Variants in HARS1 observed in about 807,000 individuals in gnomAD.
The protein encoded by HARS1 is histidine--tRNA ligase, cytoplasmic.
In HARS1, 45 loss-of-function variants were observed where a neutral mutation model predicts 63.6. That is an observed-to-expected ratio of 0.71 (90% confidence interval 0.56 to 0.91). The LOEUF (loss-of-function observed/expected upper bound fraction) is 0.91, where lower values mean the gene tolerates loss of function less well. Among genes scored for constraint, HARS1 ranks in the 40% least tolerant of loss-of-function variants. HARS1 has a pLI of 0.00. For synonymous variants in HARS1, 205 were observed against 247.1 expected, an observed-to-expected ratio of 0.83 and a Z score of 1.60; for missense variants, 508 against 643.2, an observed-to-expected ratio of 0.79 and a Z score of 2.27.
chr5:140,686,750 G>A (rs1007127818), intron 2 of HARS1, among the ~76,000 whole-genome samples: 3 of 151,178 alleles, frequency 2.0e-5, no homozygotes, highest in Non-Finnish European at 2.9e-5. Context: ...ACAAGCATGC[G>A]CCACCACGCC....
At position 140,676,926 on chromosome 5, in the gene HARS1, G is replaced by C; in HGVS notation, c.952-30C>G. ...GGAGATAAGAAAATGGTCAGTGCCA[G>C]ATTAAGATCAGGGACCTGAAGCCCC... On this transcript the variant is annotated intron_variant, in intron 9 of 12. Transcript: ENST00000504156. The surrounding 1 kb of genome is among the most constrained non-coding windows in gnomAD (Gnocchi z 4.1). 6.2e-7 allele frequency: 1 copy of C among 1,613,596 alleles called. No homozygotes were observed.
chr5:140,676,536 T>C lies in HARS1; in HGVS notation c.1194+118A>G. 1 of 1,039,148 alleles carries C rather than the reference T, an allele frequency of 9.6e-7. No homozygotes were observed. The highest frequency in any genetic ancestry group is 1.4e-6 in the Non-Finnish European group (1 of 699,016). 64.4% of individuals were successfully genotyped at this position (1,039,148 alleles called of 1,614,324 possible). ...TCTGTGAAAAAGAGCAATAATCTTT[T>C]CTCCATTTCTGTGAGATGCTCCCTG... On this transcript the variant is annotated intron_variant, in intron 10 of 12. Coordinates refer to ENST00000504156, the MANE Select transcript of HARS1 (RefSeq NM_002109.6). The surrounding 1 kb of genome is among the most constrained non-coding windows in gnomAD (Gnocchi z 4.1).
rs529031493 is a variant in HARS1, at chr5:140,685,858, T to G, written c.181-2639A>C. Among the ~76,000 whole-genome samples, 5 of 152,316 alleles carry G rather than the reference T, an allele frequency of 3.3e-5. No homozygotes were observed. The East Asian group carries it at 9.6e-4, about 29-fold the overall frequency. ...ATGATTTCATAACAGGTCTTTCAAATGTTGATACATTTCATTATACAATAT... is the reference window on the plus strand; with the variant it reads ...ATGATTTCATAACAGGTCTTTCAAAGGTTGATACATTTCATTATACAATAT... On this transcript the variant is annotated intron_variant, in intron 2 of 12. Transcript: ENST00000504156.
chr5:140,690,396 G>T (rs1039497149), intron 2 of HARS1, among the ~76,000 whole-genome samples: 1 of 151,996 alleles, frequency 6.6e-6, no homozygotes, highest in Admixed American at 6.5e-5. Flanking sequence ...CGGCTGCAGT[G>T]AGCCAAGATG....
intron 10 of HARS1, chr5:140,675,403 A>T: frequency 2.3e-5 from 7 of 306,020 alleles, no homozygotes; most frequent in Admixed American, 4.7e-5. Flanking sequence ...ATCTCCATGT[A>T]GTACCTTTTT....
rs1476274255 is a variant in HARS1 at position 140,691,295 on chromosome 5, G to A, written c.10C>T (p.Arg4Cys). MAE[R>C]AALEELVKLQ... Reference sequence around the variant, plus strand: ...TTCACCAGCTCCTCCAGCGCCGCACGCTCTGCCATCCCGGCTGTCCACTTG... The same window carrying A: ...TTCACCAGCTCCTCCAGCGCCGCACACTCTGCCATCCCGGCTGTCCACTTG... The change falls in exon 1 of 13, where the codon CGT becomes TGT. Residue 4 changes from arginine (R) to cysteine (C), a missense_variant. Physicochemically the swap from Arg to Cys is radical, Grantham distance 180. Coordinates refer to ENST00000504156, the MANE Select transcript of HARS1 (RefSeq NM_002109.6). The A allele has an allele frequency of 6.2e-7, 1 of 1,605,578 alleles. No individual in the cohort carries two copies. The highest frequency in any genetic ancestry group is 1.1e-5 in the South Asian group (1 of 90,842).
Position 140,679,079 on chromosome 5 carries a change from G to A in HARS1, c.445C>T (p.Arg149Cys), listed in dbSNP as rs138035024. The A allele has an allele frequency of 3.0e-5, 48 of 1,613,790 alleles. No individual in the cohort carries two copies. Among genetic ancestry groups the A allele is most frequent in the Non-Finnish European group, 3.3e-5 (39 of 1,179,794 alleles). The change falls in exon 5 of 13, where the codon CGC becomes TGC. Residue 149 changes from arginine (R) to cysteine (C), a missense_variant. Physicochemically the swap from Arg to Cys is radical, Grantham distance 180. Transcript: ENST00000504156. The surrounding 1 kb of genome is among the most constrained non-coding windows in gnomAD (Gnocchi z 4.3). ...LAMNKLTNIKRYHIAKVYRRD... is the reference protein window; with the variant it reads ...LAMNKLTNIKCYHIAKVYRRD... ...CGATATACCTTTGCTATGTGGTAGC[G>A]TTTAATGTTGGTCAGTTTATTCATT...
chr5:140,679,260 C>T lies in HARS1; in HGVS notation c.397-133G>A, dbSNP rs1312330538. On this transcript the variant is annotated intron_variant, in intron 4 of 12. Transcript: ENST00000504156. The surrounding 1 kb of genome is among the most constrained non-coding windows in gnomAD (Gnocchi z 4.3). ...CCACCCATAAGATTAATAGCACTTACAAACATCAGAAAGCATCAGCTGTGC... is the reference window on the plus strand; with the variant it reads ...CCACCCATAAGATTAATAGCACTTATAAACATCAGAAAGCATCAGCTGTGC... The T allele has an allele frequency of 2.6e-6, 2 of 764,306 alleles. No individual in the cohort carries two copies. Among genetic ancestry groups the T allele is most frequent in the South Asian group, 1.7e-5 (1 of 59,364 alleles). The allele number at this position is 764,306 out of a possible 1,614,324, so 47.3% of individuals were successfully genotyped here.
In HARS1 at chr5:140,679,759, G is replaced by C; in HGVS notation, c.396+29C>G. On this transcript the variant is annotated intron_variant, in intron 4 of 12. Transcript: ENST00000504156. This position sits in a 1 kb window ranked among gnomAD's most constrained non-coding sequence, Gnocchi z 4.3. ...CCAAGTGAGTGCCAATCCATCCAAA[G>C]TCTCAAGAGCCCAAGTTTAGAAAGA... is the stretch of plus-strand genomic sequence containing the variant. 8.1e-7 allele frequency: 1 copy of C among 1,234,714 alleles called. No homozygotes were observed. The highest frequency in any genetic ancestry group is 2.3e-5 in the East Asian group (1 of 42,582). The allele number at this position is 1,234,714 out of a possible 1,614,324, so 76.5% of individuals were successfully genotyped here.
chr5:140,685,819 T>A (rs761590501), intron 2 of HARS1, among the ~76,000 whole-genome samples: 10 of 152,210 alleles, frequency 6.6e-5, no homozygotes, highest in Non-Finnish European at 8.8e-5. Flanking sequence ...AATGAATGGA[T>A]CCTTTGCCTG....
intron 2 of HARS1, 186 bp from the exon 3 acceptor site, chr5:140,683,405 G>C (rs1404857130): frequency 4.7e-6 from 4 of 845,040 alleles, no homozygotes; most frequent in Non-Finnish European, 6.8e-6. Flanking sequence ...ACACCCATTT[G>C]CTATCTGCCT....
intron 3 of HARS1, 164 bp downstream of exon 3, chr5:140,682,936 C>G (rs1005287206): frequency 8.5e-6 from 5 of 590,248 alleles, no homozygotes; most frequent in Non-Finnish European, 1.5e-5. Context: ...AAGACAGGGC[C>G]TCTCCCTCCA....
intron 5 of HARS1, chr5:140,678,299 C>T (rs759752976): frequency 2.1e-4 from 92 of 439,998 alleles, no homozygotes; most frequent in Middle Eastern, 6.3e-4. Context: ...AGCCATTTTC[C>T]CTATTCATCC....
At chr5:140,680,577 C>T (rs1758661796) in intron 3 of HARS1, among the ~76,000 whole-genome samples, 1 of 152,134 alleles carries the variant, frequency 6.6e-6, no homozygotes, top group African/African-American at 2.4e-5. Context: ...GGCATAGCGG[C>T]TCACGCCTGT....
At chr5:140,677,219 A>T (rs369270169) in intron 8 of HARS1, 103 bp from the exon 9 acceptor site, 64 of 1,395,384 alleles carry the variant, frequency 4.6e-5, no homozygotes, top group Non-Finnish European at 6.4e-5. Flanking sequence ...GTGTGTGTAC[A>T]TATGCATAGA....
Position 140,679,549 on chromosome 5 carries a change from G to T in HARS1, c.396+239C>A, listed in dbSNP as rs531404035. The T allele has an allele frequency of 4.7e-4, 221 of 472,968 alleles. 1 individual carries two copies. The highest frequency in any genetic ancestry group is 1.9e-4 in the Non-Finnish European group (52 of 269,500). The allele number at this position is 472,968 out of a possible 1,614,324, so 29.3% of individuals were successfully genotyped here. A position where few individuals can be genotyped will look rare whatever the true frequency, so the allele number is the denominator to read the frequency against. ...GGGGAGAGGTATTCTGGAGCCAGGG[G>T]ATGACTGTAGAGTTGGAACTGGGCC... On this transcript the variant is annotated intron_variant, in intron 4 of 12. Coordinates refer to ENST00000504156, the MANE Select transcript of HARS1 (RefSeq NM_002109.6). The surrounding 1 kb of genome is among the most constrained non-coding windows in gnomAD (Gnocchi z 4.3).
chr5:140,676,584 C>T lies in HARS1; in HGVS notation c.1194+70G>A. On this transcript the variant is annotated intron_variant, in intron 10 of 12. Coordinates refer to ENST00000504156, the MANE Select transcript of HARS1 (RefSeq NM_002109.6). This position sits in a 1 kb window ranked among gnomAD's most constrained non-coding sequence, Gnocchi z 4.1. ...CTGCCCAAAGCAGCACCACTTGCTCCCTTGGAGATCAGATAGCTTAGGTGC... is the reference window on the plus strand; with the variant it reads ...CTGCCCAAAGCAGCACCACTTGCTCTCTTGGAGATCAGATAGCTTAGGTGC... 1 of 1,527,742 alleles carries T rather than the reference C, an allele frequency of 6.5e-7. No individual in the cohort carries two copies. Among genetic ancestry groups the T allele is most frequent in the Admixed American group, 1.8e-5 (1 of 56,180 alleles). 94.6% of individuals were successfully genotyped at this position (1,527,742 alleles called of 1,614,324 possible).
rs1759428284 is a variant in HARS1, at chr5:140,691,345, G to C, written c.-41C>G. 1 of 1,488,556 alleles carries C rather than the reference G, an allele frequency of 6.7e-7. No individual in the cohort carries two copies. Among genetic ancestry groups the C allele is most frequent in the African/African-American group, 1.4e-5 (1 of 72,478 alleles). The allele number at this position is 1,488,556 out of a possible 1,614,324, so 92.2% of individuals were successfully genotyped here. ...GAGCCGCCTGCTGTCTCGACCTGCG[G>C]TGGTTGCCCCAGCCTCAGCAAGGAT... On this transcript the variant is annotated 5_prime_UTR_variant, in exon 1 of 13. Coordinates refer to ENST00000504156, the MANE Select transcript of HARS1 (RefSeq NM_002109.6).
intron 3 of HARS1, among the ~76,000 whole-genome samples, chr5:140,681,529 G>A (rs909066672): frequency 1.3e-5 from 2 of 152,130 alleles, no homozygotes; most frequent in Admixed American, 6.6e-5. Flanking sequence ...TTAGCCAGGT[G>A]TGGTGGCACA....
Sources: gnomAD v4.1 joint callset for allele counts (sites outside exome capture counted in the v4.1 genomes callset) on GRCh38, gnomAD v4.1.1 for gene constraint, Gnocchi (gnomAD v3.1) non-coding constraint, MANE v1.5 for transcripts, NCBI Gene and HGNC (gene_info 2026-07-23, HGNC 2026-07-21) for gene names.